Variants in E2F5 observed in about 807,000 individuals in gnomAD.
E2F5 encodes the protein E2F transcription factor 5, also known as transcription factor E2F5.
In E2F5, 23 loss-of-function variants were observed where a neutral mutation model predicts 39.1. The ratio of observed to expected loss-of-function variants is 0.59; its 90% CI spans 0.42 to 0.83. E2F5 has a LOEUF of 0.83. Ranked by LOEUF, E2F5 falls within the 40% of genes least tolerant of loss-of-function variation. The pLI is 0.00. For missense variants in E2F5, 365 were observed against 406.7 expected, an observed-to-expected ratio of 0.90 and a Z score of 0.88; for synonymous variants, 145 against 157.8, an observed-to-expected ratio of 0.92 and a Z score of 0.61.
intron 1 of E2F5, among the ~76,000 whole-genome samples, chr8:85,186,070 T>A (rs1250021540): frequency 6.6e-6 from 1 of 152,194 alleles, no homozygotes; most frequent in Non-Finnish European, 1.5e-5. Context: ...GTATGTTTAT[T>A]GTGGCACTAT....
chr8:85,206,325 G>C, intron 4 of E2F5, 105 bp downstream of exon 4: 1 of 1,150,258 alleles, frequency 8.7e-7, no homozygotes, highest in South Asian at 1.4e-5. Context: ...TTCAGAAGTT[G>C]TGGGCATTGT....
intron 6 of E2F5, among the ~76,000 whole-genome samples, chr8:85,210,176 A>G (rs1482064553): frequency 6.6e-6 from 1 of 152,200 alleles, no homozygotes; most frequent in Non-Finnish European, 1.5e-5. Flanking sequence ...ATTGCAGATA[A>G]TTTAAAACTA....
At position 85,191,404 on chromosome 8, in the gene E2F5, T is replaced by C. The variant is rs1331755213; in HGVS notation, c.235-10743T>C. Among the ~76,000 whole-genome samples, 3 of 152,142 alleles carry C rather than the reference T, an allele frequency of 2.0e-5. No individual in the cohort carries two copies. In the East Asian group the frequency reaches 5.8e-4, roughly 29 times the overall value. ...AACAATGTATTGCCTTCTTGAAAAT[T>C]GCTAAGAAAATAGAATTTGAGTGTT... On this transcript the variant is annotated intron_variant, in intron 1 of 7. Coordinates refer to ENST00000416274, the MANE Select transcript of E2F5 (RefSeq NM_001951.4).
intron 1 of E2F5, among the ~76,000 whole-genome samples, chr8:85,184,218 C>T (rs4150856): frequency 2.6e-5 from 4 of 152,176 alleles, no homozygotes; most frequent in Admixed American, 2.6e-4. Context: ...GCTGGTTCAA[C>T]ATACGCAAAT....
At chr8:85,188,952 A>G (rs1812404843) in intron 1 of E2F5, among the ~76,000 whole-genome samples, 1 of 152,102 alleles carries the variant, frequency 6.6e-6, no homozygotes, top group Non-Finnish European at 1.5e-5. Flanking sequence ...AATCTCTTAT[A>G]TGGCTTATTT....
intron 4 of E2F5, 54 bp from the exon 5 acceptor site, chr8:85,207,371 G>T: frequency 6.8e-7 from 1 of 1,466,042 alleles, no homozygotes; most frequent in South Asian, 1.2e-5. Context: ...TCTTGCCACT[G>T]TATTCCATGA....
At chr8:85,199,213 A>C (rs1017948450) in intron 1 of E2F5, among the ~76,000 whole-genome samples, 1 of 151,846 alleles carries the variant, frequency 6.6e-6, no homozygotes, top group Non-Finnish European at 1.5e-5. Context: ...CCTCTCCTTG[A>C]AGAAGCTAAG....
chr8:85,189,151 T>C (rs1812409070), intron 1 of E2F5, among the ~76,000 whole-genome samples: 1 of 152,170 alleles, frequency 6.6e-6, no homozygotes, highest in Admixed American at 6.5e-5. Context: ...TCTTAATATT[T>C]TTGTGAAAGT....
At chr8:85,178,479 A>G (rs903336193) in intron 1 of E2F5, among the ~76,000 whole-genome samples, 1 of 152,212 alleles carries the variant, frequency 6.6e-6, no homozygotes, top group Admixed American at 6.5e-5. Context: ...GACTTAACCG[A>G]TCTAGGAAGG....
rs573553728 is a variant in E2F5 at position 85,177,179 on chromosome 8, C to T, written c.-242C>T. 6.0e-6 allele frequency: 1 copy of T among 165,478 alleles called. No homozygotes were observed. Among genetic ancestry groups the T allele is most frequent in the Non-Finnish European group, 1.2e-5 (1 of 80,230 alleles). 10.3% of individuals were successfully genotyped at this position (165,478 alleles called of 1,614,324 possible). A position where few individuals can be genotyped will look rare whatever the true frequency, so the allele number is the denominator to read the frequency against. On this transcript the variant is annotated 5_prime_UTR_variant, in exon 1 of 8. Transcript: ENST00000416274. Reference sequence around the variant, plus strand: ...CTTCTCCTCGTTTCCACCCCTCCCCCCTCGGTCGTGGGCCTCATTCACGCT... The same window carrying T: ...CTTCTCCTCGTTTCCACCCCTCCCCTCTCGGTCGTGGGCCTCATTCACGCT...
intron 1 of E2F5, among the ~76,000 whole-genome samples, chr8:85,189,165 G>T (rs1427636357): frequency 2.0e-5 from 3 of 152,164 alleles, no homozygotes; most frequent in Admixed American, 2.0e-4. Flanking sequence ...TGAAAGTGAG[G>T]ATATACTTTC....
chr8:85,208,873 G>A (rs1449960119), intron 5 of E2F5, among the ~76,000 whole-genome samples: 2 of 152,110 alleles, frequency 1.3e-5, no homozygotes, highest in African/African-American at 4.8e-5. Flanking sequence ...AGTCACACAC[G>A]GTAACAACAG....
intron 1 of E2F5, among the ~76,000 whole-genome samples, chr8:85,186,301 T>G (rs1156514757): frequency 2.0e-5 from 3 of 151,542 alleles, no homozygotes; most frequent in Admixed American, 6.6e-5. Context: ...TAAGTGGGAG[T>G]TGAACAAGAA....
chr8:85,203,500 C>G (rs1050162107), intron 3 of E2F5, among the ~76,000 whole-genome samples: 3 of 152,036 alleles, frequency 2.0e-5, no homozygotes, highest in African/African-American at 4.8e-5. Flanking sequence ...GATTAGCCAA[C>G]TTTTGGTCTA....
In E2F5 at chr8:85,214,289, T is replaced by C; in HGVS notation, c.*427T>C. ...TCCTTCTATCCAAACAGACGTTCAC[T>C]GCCACTTGTAAAGTGAAGGATGTAA... On this transcript the variant is annotated 3_prime_UTR_variant, in exon 8 of 8. Coordinates refer to ENST00000416274, the MANE Select transcript of E2F5 (RefSeq NM_001951.4). 1 of 577,442 alleles carries C rather than the reference T, an allele frequency of 1.7e-6. No homozygotes were observed. Among genetic ancestry groups the C allele is most frequent in the Non-Finnish European group, 3.2e-6 (1 of 316,316 alleles). 35.8% of individuals were successfully genotyped at this position (577,442 alleles called of 1,614,324 possible).
At chr8:85,212,082 G>A in intron 6 of E2F5, 75 bp from the exon 7 acceptor site, 1 of 1,142,120 alleles carries the variant, frequency 8.8e-7, no homozygotes, top group Non-Finnish European at 1.3e-6. Context: ...AGCTGCTGCT[G>A]TGACTACTTG....
intron 1 of E2F5, among the ~76,000 whole-genome samples, chr8:85,183,063 A>G (rs1000330864): frequency 4.6e-5 from 7 of 152,200 alleles, no homozygotes; most frequent in African/African-American, 1.7e-4. Flanking sequence ...CATCCTGGCT[A>G]ACACGGTGAA....
intron 1 of E2F5, chr8:85,177,884 C>A: frequency 3.0e-6 from 2 of 676,562 alleles, no homozygotes; most frequent in Non-Finnish European, 3.8e-6. Context: ...TGGGGCCCGG[C>A]GCCACGCTGG....
intron 7 of E2F5, chr8:85,212,462 C>T (rs1199447603): frequency 1.3e-5 from 5 of 388,056 alleles, no homozygotes; most frequent in Middle Eastern, 7.1e-4. Context: ...TAGCCCTTTC[C>T]ACTCCTGAAG....
Sources: allele counts gnomAD v4.1 joint callset (sites outside exome capture counted in the v4.1 genomes callset), GRCh38; gene constraint gnomAD v4.1.1; transcripts MANE v1.5; gene names NCBI Gene and HGNC (gene_info 2026-07-23, HGNC 2026-07-21).